The following GMCL1 variants were observed in gnomAD, a reference collection of about 807,000 sequenced individuals.
The protein encoded by GMCL1 is germ cell-less 1, spermatogenesis associated, also known as germ cell-less protein-like 1.
A neutral mutation model predicts 75.5 loss-of-function variants in GMCL1; 54 were observed. That is an observed-to-expected ratio of 0.71 (90% CI 0.57 to 0.90). The LOEUF (loss-of-function observed/expected upper bound fraction) is 0.90, where lower values mean the gene tolerates loss of function less well. Among genes scored for constraint, GMCL1 ranks in the 40% least tolerant of loss-of-function variants. The pLI is 0.00. For synonymous variants in GMCL1, 210 were observed against 209.6 expected, an observed-to-expected ratio of 1.00 and a Z score of -0.02; for missense variants, 537 against 622.7, an observed-to-expected ratio of 0.86 and a Z score of 1.47.
At chr2:69,849,029 A>C (rs568830697) in intron 7 of GMCL1, among the ~76,000 whole-genome samples, 3 of 152,290 alleles carry the variant, frequency 2.0e-5, no homozygotes, top group African/African-American at 7.2e-5. Context: ...ATAAATTAGT[A>C]TAAAATTTCT....
intron 9 of GMCL1, among the ~76,000 whole-genome samples, chr2:69,860,366 A>AG (rs1293006188): frequency 2.0e-5 from 3 of 152,100 alleles, no homozygotes; most frequent in Non-Finnish European, 2.9e-5. Context: ...TGTGGGAAAA[A>AG]TATTTATTAT....
chr2:69,837,607 C>T lies in GMCL1; in HGVS notation c.321C>T (p.Asn107=), dbSNP rs1416442700. 1 of 1,604,668 alleles carries T rather than the reference C, an allele frequency of 6.2e-7. No homozygotes were observed. The highest frequency in any genetic ancestry group is 2.3e-5 in the East Asian group (1 of 44,326). Residue 107 remains asparagine (N), a synonymous_variant, in exon 2 of 14, where the codon AAC becomes AAT. Coordinates refer to ENST00000282570, the MANE Select transcript of GMCL1 (RefSeq NM_178439.5). ...AAACATTATTTTTGAATGGTGAAAA[C>T]AGTGACATTAAGATTTGTGCTCTAG... ...IYQTLFLNGE[N]SDIKICALGE...
chr2:69,837,699 G>T (rs779621260), intron 2 of GMCL1, 29 bp downstream of exon 2: 2 of 1,583,012 alleles, frequency 1.3e-6, no homozygotes, highest in South Asian at 2.4e-5. Context: ...TGAGTAACAG[G>T]GTAGTCACTG....
At position 69,880,209 on chromosome 2, in the gene GMCL1, G is replaced by T. The variant is rs1676242163; in HGVS notation, c.*1205G>T. 6.6e-6 allele frequency: 1 copy of T among 151,940 alleles called. No homozygotes were observed. Among genetic ancestry groups the T allele is most frequent in the Non-Finnish European group, 1.5e-5 (1 of 67,994 alleles). 9.4% of individuals were successfully genotyped at this position (151,940 alleles called of 1,614,324 possible). On this transcript the variant is annotated 3_prime_UTR_variant, in exon 14 of 14. Coordinates refer to ENST00000282570, the MANE Select transcript of GMCL1 (RefSeq NM_178439.5). ...ATTTTTATTATGGTTTTTAAAATGG[G>T]AATCATTTTTATGTATCTGTGCAAA...
At chr2:69,849,928 G>C (rs977004438) in intron 8 of GMCL1, among the ~76,000 whole-genome samples, 186 bp downstream of exon 8, 1 of 152,116 alleles carries the variant, frequency 6.6e-6, no homozygotes, top group African/African-American at 2.4e-5. Flanking sequence ...TTTACAGTGA[G>C]AAAATCAAGG....
chr2:69,853,204 C>A (rs1675369744), intron 8 of GMCL1, among the ~76,000 whole-genome samples: 1 of 152,080 alleles, frequency 6.6e-6, no homozygotes, highest in African/African-American at 2.4e-5. Flanking sequence ...CTCAGCACAC[C>A]CCCTGAAATT....
intron 12 of GMCL1, among the ~76,000 whole-genome samples, chr2:69,871,319 A>G (rs1369276523): frequency 3.9e-5 from 6 of 152,176 alleles, no homozygotes; most frequent in Non-Finnish European, 7.3e-5. Flanking sequence ...AGAGTAGACA[A>G]ATTCATAGGT....
chr2:69,877,257 G>A (rs779608164), intron 13 of GMCL1, among the ~76,000 whole-genome samples: 4 of 152,180 alleles, frequency 2.6e-5, no homozygotes, highest in Non-Finnish European at 5.9e-5. Flanking sequence ...GTTTGGGAAT[G>A]GAGAGTGGGG....
In GMCL1 at chr2:69,879,255, G is replaced by A; in HGVS notation, c.*251G>A. On this transcript the variant is annotated 3_prime_UTR_variant, in exon 14 of 14. Coordinates refer to ENST00000282570, the MANE Select transcript of GMCL1 (RefSeq NM_178439.5). ...AGAAAATATCTGTCAAACCATTTCT[G>A]TTAGAACGATGTCAATTCATGCTTT... 3.8e-6 allele frequency: 1 copy of A among 263,866 alleles called. No homozygotes were observed. The highest frequency in any genetic ancestry group is 7.1e-6 in the Non-Finnish European group (1 of 140,372). 16.3% of individuals were successfully genotyped at this position (263,866 alleles called of 1,614,324 possible).
In GMCL1 at chr2:69,830,123, G is replaced by C. The variant is rs771755165; in HGVS notation, c.231G>C (p.Glu77Asp). The change falls in exon 1 of 14, where the codon GAG becomes GAC. Residue 77 changes from glutamate (E) to aspartate (D), a missense_variant. By Grantham distance (45) the Glu-to-Asp change is conservative. This residue lies in a region of GMCL1 where 144 missense variants were observed against 127.2 expected (regional missense o/e 1.13). Transcript: ENST00000282570. ...ACGAGGATGAGGAGGAGGGGGACGAGCAGCAGCGGCTCCTCAACACCCCTC... is the reference window on the plus strand; with the variant it reads ...ACGAGGATGAGGAGGAGGGGGACGACCAGCAGCGGCTCCTCAACACCCCTC... ...ETDEDEEEGD[E>D]QQRLLNTPRR... 7 of 1,575,120 alleles carry C rather than the reference G, an allele frequency of 4.4e-6. No homozygotes were observed. In the East Asian group the frequency reaches 1.4e-4, roughly 31 times the overall value.
At chr2:69,871,651 C>A in intron 12 of GMCL1, 94 bp from the exon 13 acceptor site, 1 of 648,714 alleles carries the variant, frequency 1.5e-6, no homozygotes, top group South Asian at 2.2e-5. Context: ...AAATAAAAAA[C>A]AGAGGAAAAA....
intron 1 of GMCL1, among the ~76,000 whole-genome samples, chr2:69,837,254 C>G (rs759345529): frequency 7.2e-4 from 109 of 152,098 alleles, no homozygotes; most frequent in Non-Finnish European, 1.4e-3. Context: ...TAAATTAGTC[C>G]AAAATTGCTA....
chr2:69,872,533 A>C (rs994792963), intron 13 of GMCL1, among the ~76,000 whole-genome samples: 7 of 152,238 alleles, frequency 4.6e-5, no homozygotes, highest in African/African-American at 1.7e-4. Context: ...AGTTTTCCTC[A>C]GACTGAAGAG....
intron 6 of GMCL1, among the ~76,000 whole-genome samples, chr2:69,845,337 C>T (rs997484436): frequency 2.6e-5 from 4 of 152,142 alleles, no homozygotes; most frequent in East Asian, 1.9e-4. Flanking sequence ...ATAATAGGAC[C>T]GCAGTCACCC....
chr2:69,867,575 T>A (rs1320689953), intron 11 of GMCL1, among the ~76,000 whole-genome samples: 1 of 152,200 alleles, frequency 6.6e-6, no homozygotes. Flanking sequence ...TTCTACTTCT[T>A]ATTTTGCTTG....
In GMCL1 at chr2:69,864,956, A is replaced by T; in HGVS notation, c.1199A>T (p.Lys400Met). 2 of 1,613,364 alleles carry T rather than the reference A, an allele frequency of 1.2e-6. No individual in the cohort carries two copies. Among genetic ancestry groups the T allele is most frequent in the Non-Finnish European group, 1.7e-6 (2 of 1,179,404 alleles). ...LEGNSMRCGR[K>M]LAKDGEYCWR... ...GGAAACAGCATGAGGTGTGGTAGAAAGCTTGCCAAAGATGGTGAAGTAAGT... is the reference window on the plus strand; with the variant it reads ...GGAAACAGCATGAGGTGTGGTAGAATGCTTGCCAAAGATGGTGAAGTAAGT... Residue 400 changes from lysine to methionine, a missense_variant, in exon 11 of 14, where the codon AAG becomes ATG. Around this residue, in one of 3 missense-constraint regions of GMCL1, gnomAD observed 345 missense variants for 410.5 expected, o/e 0.84. Transcript: ENST00000282570.
intron 1 of GMCL1, among the ~76,000 whole-genome samples, chr2:69,835,895 A>C (rs2103946654): frequency 6.6e-6 from 1 of 152,316 alleles, no homozygotes; most frequent in South Asian, 2.1e-4. Flanking sequence ...ATTGGGAGTG[A>C]ACAGGCCACA....
In GMCL1 at chr2:69,849,697, C is replaced by G; in HGVS notation, c.889C>G (p.Gln297Glu). 2 of 1,592,380 alleles carry G rather than the reference C, an allele frequency of 1.3e-6. No individual in the cohort carries two copies. Among genetic ancestry groups the G allele is most frequent in the Non-Finnish European group, 1.7e-6 (2 of 1,170,474 alleles). Reference sequence around the variant, plus strand: ...GCCTTCTTGGAATGGATCTTTAAAACAGCTTTTGACAGAAACAGATGTCTG... The same window carrying G: ...GCCTTCTTGGAATGGATCTTTAAAAGAGCTTTTGACAGAAACAGATGTCTG... ...LVPSWNGSLK[Q>E]LLTETDVWFS... The change falls in exon 8 of 14, where the codon CAG becomes GAG. Residue 297 changes from glutamine to glutamate, a missense_variant. Gln to Glu is a conservative substitution (Grantham distance 29, BLOSUM62 2). Around this residue, in one of 3 missense-constraint regions of GMCL1, gnomAD observed 345 missense variants for 410.5 expected, o/e 0.84. Coordinates refer to ENST00000282570, the MANE Select transcript of GMCL1 (RefSeq NM_178439.5).
intron 1 of GMCL1, among the ~76,000 whole-genome samples, chr2:69,836,911 G>A (rs1307344004): frequency 6.6e-6 from 1 of 151,978 alleles, no homozygotes; most frequent in African/African-American, 2.4e-5. Context: ...CTTCTCCTTT[G>A]AGCAGTTTTA....
Sources: gnomAD v4.1 joint callset for allele counts (sites outside exome capture counted in the v4.1 genomes callset) on GRCh38, gnomAD v4.1.1 for gene constraint, gnomAD v4.1.1 regional missense constraint, MANE v1.5 for transcripts, NCBI Gene and HGNC (gene_info 2026-07-23, HGNC 2026-07-21) for gene names.